Variants in NR3C2 observed in about 807,000 individuals in gnomAD.
The protein encoded by NR3C2 is mineralocorticoid receptor.
A neutral mutation model predicts 86.4 loss-of-function variants in NR3C2; 15 were observed. That is an observed-to-expected ratio of 0.17 (90% CI 0.12 to 0.27). The LOEUF is 0.27. NR3C2 is among the 10% of genes least tolerant of loss of function. The pLI is 1.00. For missense variants in NR3C2, 960 were observed against 1,195.6 expected (o/e 0.80, Z 2.91); for synonymous variants, 458 against 450.5 (o/e 1.02, Z -0.21).
chr4:148,238,521 C>G (rs1370025927), intron 3 of NR3C2, among the ~76,000 whole-genome samples: 2 of 152,134 alleles, frequency 1.3e-5, no homozygotes, highest in Non-Finnish European at 2.9e-5. Context: ...TGTTGAATTA[C>G]AGTGCACCAC....
At chr4:148,300,860 C>T (rs1171960018) in intron 2 of NR3C2, among the ~76,000 whole-genome samples, 1 of 152,182 alleles carries the variant, frequency 6.6e-6, no homozygotes, top group African/African-American at 2.4e-5. Context: ...GCATGAGCCA[C>T]CGCGCCCGAC....
intron 2 of NR3C2, among the ~76,000 whole-genome samples, chr4:148,345,053 A>G (rs183761891): frequency 2.2e-4 from 34 of 152,282 alleles, no homozygotes; most frequent in African/African-American, 8.2e-4. Flanking sequence ...AAACTTTTAA[A>G]CATTCAACAA....
rs772344575 is a variant in NR3C2 at position 148,154,861 on chromosome 4, G to A, written c.2055C>T (p.His685=). ...SKKLGKLKGI[H]EEQPQQQQPP... is the part of the protein sequence containing the mutation. ...GCTGCTGCTGCTGTGGCTGCTCCTC[G>A]TGAATCCCTTTTAACTTTCCCAACT... The change falls in exon 5 of 9, where the codon CAC becomes CAT. Residue 685 remains histidine (H), a synonymous_variant. Coordinates refer to ENST00000358102, the MANE Select transcript of NR3C2 (RefSeq NM_000901.5). 4 of 1,582,012 alleles carry A rather than the reference G, an allele frequency of 2.5e-6. No homozygotes were observed. Among genetic ancestry groups the A allele is most frequent in the Non-Finnish European group, 3.4e-6 (4 of 1,163,142 alleles).
intron 6 of NR3C2, among the ~76,000 whole-genome samples, chr4:148,142,700 T>C (rs1270413253): frequency 6.6e-6 from 1 of 152,164 alleles, no homozygotes; most frequent in African/African-American, 2.4e-5. Context: ...TTCACCATGT[T>C]ACCCAGGCTG....
chr4:148,395,698 G>C (rs906072797), intron 2 of NR3C2, among the ~76,000 whole-genome samples: 8 of 152,136 alleles, frequency 5.3e-5, no homozygotes, highest in African/African-American at 1.7e-4. Context: ...AGAGTAAGAA[G>C]GTATGTTATG....
At chr4:148,317,034 C>G (rs976088504) in intron 2 of NR3C2, among the ~76,000 whole-genome samples, 2 of 152,136 alleles carry the variant, frequency 1.3e-5, no homozygotes, top group Non-Finnish European at 2.9e-5. Flanking sequence ...CTCAAGCGAT[C>G]CACCTGCTTC....
intron 4 of NR3C2, among the ~76,000 whole-genome samples, chr4:148,192,793 C>T (rs555726166): frequency 6.6e-6 from 1 of 152,096 alleles, no homozygotes; most frequent in Non-Finnish European, 1.5e-5. Context: ...TCACCCTGCT[C>T]CCAGGCAAAC....
chr4:148,188,328 T>G (rs1280212056), intron 4 of NR3C2, among the ~76,000 whole-genome samples: 4 of 152,214 alleles, frequency 2.6e-5, no homozygotes, highest in Non-Finnish European at 5.9e-5. Context: ...TTTCACAATA[T>G]TGATTCTACC....
intron 4 of NR3C2, among the ~76,000 whole-genome samples, chr4:148,188,293 A>C (rs1258875397): frequency 2.0e-5 from 3 of 152,148 alleles, no homozygotes; most frequent in Non-Finnish European, 4.4e-5. Context: ...TTGAATTTGT[A>C]GATTGCTTTT....
chr4:148,103,332 G>A (rs1731627218), intron 8 of NR3C2, among the ~76,000 whole-genome samples: 1 of 152,136 alleles, frequency 6.6e-6, no homozygotes, highest in South Asian at 2.1e-4. Context: ...AGAGGACATA[G>A]GCCCCAGGTC....
At chr4:148,148,069 A>T in intron 6 of NR3C2, among the ~76,000 whole-genome samples, 1 of 86,372 alleles carries the variant, frequency 1.2e-5, no homozygotes, top group Middle Eastern at 5.4e-3. Flanking sequence ...AACTGCCTAT[A>T]TAATACGTCT....
chr4:148,346,573 T>C (rs949716788), intron 2 of NR3C2, among the ~76,000 whole-genome samples: 1 of 152,044 alleles, frequency 6.6e-6, no homozygotes, highest in African/African-American at 2.4e-5. Context: ...AGGTTCCCAC[T>C]GTGGTAGCCA....
rs189007335 is a variant in NR3C2, at chr4:148,389,421, G to C, written c.1757+45683C>G. ...TTTCAAAGGTAAATGCACTATTTTCGAAATAGTAATTTGGAAAATTTACCG... is the reference window on the plus strand; with the variant it reads ...TTTCAAAGGTAAATGCACTATTTTCCAAATAGTAATTTGGAAAATTTACCG... On this transcript the variant is annotated intron_variant, in intron 2 of 8. Transcript: ENST00000358102. Among the ~76,000 whole-genome samples the C allele has an allele frequency of 9.5e-4, 144 of 152,224 alleles. 1 individual carries two copies. Among genetic ancestry groups the C allele is most frequent in the African/African-American group, 3.2e-3 (135 of 41,542 alleles).
chr4:148,196,569 A>G (rs1179370577), intron 3 of NR3C2, among the ~76,000 whole-genome samples: 1 of 152,214 alleles, frequency 6.6e-6, no homozygotes, highest in African/African-American at 2.4e-5. Context: ...TCAGTGTAGT[A>G]CCATCATGTT....
chr4:148,366,692 C>A (rs1417433101), intron 2 of NR3C2, among the ~76,000 whole-genome samples: 1 of 152,032 alleles, frequency 6.6e-6, no homozygotes, highest in East Asian at 1.9e-4. Flanking sequence ...ATCAAAAATT[C>A]TGCTTTATTT....
chr4:148,314,345 T>C (rs1037656944), intron 2 of NR3C2, among the ~76,000 whole-genome samples: 1 of 152,204 alleles, frequency 6.6e-6, no homozygotes, highest in Non-Finnish European at 1.5e-5. Flanking sequence ...TTATTATTTT[T>C]TTAGATATAT....
chr4:148,359,308 T>C (rs1185632403), intron 2 of NR3C2, among the ~76,000 whole-genome samples: 2 of 152,156 alleles, frequency 1.3e-5, no homozygotes, highest in Non-Finnish European at 2.9e-5. Context: ...AATTTGAACA[T>C]TTTGTAACCT....
intron 2 of NR3C2, among the ~76,000 whole-genome samples, chr4:148,420,839 C>A (rs2126605233): frequency 6.6e-6 from 1 of 152,324 alleles, no homozygotes; most frequent in East Asian, 1.9e-4. Context: ...CCTTCTCTTG[C>A]TCCTGCTCCA....
chr4:148,281,224 C>A (rs1262630609), intron 2 of NR3C2, among the ~76,000 whole-genome samples: 1 of 152,260 alleles, frequency 6.6e-6, no homozygotes, highest in Middle Eastern at 3.4e-3. Flanking sequence ...GGGGAAAAAG[C>A]GGGTGAAAGA....
Sources: allele counts gnomAD v4.1 joint callset (sites outside exome capture counted in the v4.1 genomes callset), GRCh38; gene constraint gnomAD v4.1.1; transcripts MANE v1.5; gene names NCBI Gene and HGNC (gene_info 2026-07-23, HGNC 2026-07-21).